SELENOS: variants seen among roughly 807,000 people sequenced by gnomAD.
The protein encoded by SELENOS is VCP interacting membrane selenoprotein.
In SELENOS, 37 loss-of-function variants were observed where a neutral mutation model predicts 30.2. The observed-to-expected ratio is 1.23, with a 90% CI of 0.94 to 1.61. The LOEUF (loss-of-function observed/expected upper bound fraction) is 1.61, where lower values mean the gene tolerates loss of function less well. Ranked by LOEUF, SELENOS falls within the 40% of genes most tolerant of loss-of-function variation. SELENOS has a pLI of 0.00. For synonymous variants in SELENOS, 119 were observed against 91.6 expected (o/e 1.30, Z -1.71); for missense variants, 289 against 231.8 (o/e 1.25, Z -1.60).
chr15:101,276,758 A>G (rs2141299279), intron 1 of SELENOS, 83 bp from the exon 2 acceptor site: 2 of 1,509,150 alleles, frequency 1.3e-6, no homozygotes, highest in East Asian at 4.6e-5. Flanking sequence ...CACAAAGTGT[A>G]ACTCCTGCCC....
chr15:101,276,410 G>C, intron 2 of SELENOS, 131 bp downstream of exon 2: 1 of 1,183,746 alleles, frequency 8.4e-7, no homozygotes, highest in Non-Finnish European at 1.1e-6. Context: ...CGCCACTCCC[G>C]GCTATTTTTT....
In SELENOS at chr15:101,275,218, T is replaced by C. The variant is rs771267537; in HGVS notation, c.318+37A>G. ...TCGTTAGCCACTAAACCTCAGACAA[T>C]TTCTATGCACACATTCAAACTGAAA... On this transcript the variant is annotated intron_variant, in intron 3 of 5. Coordinates refer to ENST00000526049, the MANE Select transcript of SELENOS (RefSeq NM_018445.6). 60 of 1,501,166 alleles carry C rather than the reference T, an allele frequency of 4.0e-5. 1 individual carries two copies. In the South Asian group the frequency reaches 7.7e-4, roughly 19 times the overall value. The allele number at this position is 1,501,166 out of a possible 1,614,324, so 93.0% of individuals were successfully genotyped here.
At position 101,272,915 on chromosome 15, in the gene SELENOS, T is replaced by C. The variant is rs78817529; in HGVS notation, c.485-59A>G. The C allele has an allele frequency of 0.029, 41,568 of 1,441,096 alleles. 2,736 individuals carry two copies. The highest frequency in any genetic ancestry group is 0.27 in the East Asian group (10,906 of 40,700). The allele number at this position is 1,441,096 out of a possible 1,614,324, so 89.3% of individuals were successfully genotyped here. On this transcript the variant is annotated intron_variant, in intron 5 of 5. Coordinates refer to ENST00000526049, the MANE Select transcript of SELENOS (RefSeq NM_018445.6). ...ATAAAAATCTGAAAATCTGGGAACA[T>C]TGTATATCCACAATAAAATTATGAG...
In SELENOS at chr15:101,277,419, A is replaced by ACCGCCGCCGCCG. The variant is rs566724578; in HGVS notation, c.-14_-3dup. The ACCGCCGCCGCCG allele has an allele frequency of 3.9e-5, 57 of 1,470,278 alleles. No homozygotes were observed. Among genetic ancestry groups the ACCGCCGCCGCCG allele is most frequent in the African/African-American group, 7.4e-5 (5 of 67,864 alleles). The allele number at this position is 1,470,278 out of a possible 1,614,324, so 91.1% of individuals were successfully genotyped here. A position where few individuals can be genotyped will look rare whatever the true frequency, so the allele number is the denominator to read the frequency against. ...CAGAGACTCCTCTTGGCGTTCCATG[A>ACCGCCGCCGCCG]CCGCCGCCGCCGCCGCCGCCCAGCC... On this transcript the variant is annotated 5_prime_UTR_variant, in exon 1 of 6. Coordinates refer to ENST00000526049, the MANE Select transcript of SELENOS (RefSeq NM_018445.6).
At chr15:101,274,770 T>C in intron 3 of SELENOS, 89 bp from the exon 4 acceptor site, 1 of 1,329,228 alleles carries the variant, frequency 7.5e-7, no homozygotes, top group South Asian at 1.4e-5. Flanking sequence ...TTAATTTAAA[T>C]GTCTTTCAGA....
chr15:101,272,043 CCAG>C (rs1467278335), downstream of SELENOS: 6 of 152,126 alleles, frequency 3.9e-5, no homozygotes, highest in Non-Finnish European at 7.3e-5. Context: ...TTTCTTTATC[CCAG>C]TAATTCGGCA....
intron 1 of SELENOS, chr15:101,276,928 G>A: frequency 5.6e-6 from 3 of 533,364 alleles, no homozygotes; most frequent in Non-Finnish European, 3.3e-6. Flanking sequence ...CAGCAACTGG[G>A]TTTTGAAGAA....
At chr15:101,276,981 G>C (rs552431527) in intron 1 of SELENOS, 5 of 530,676 alleles carry the variant, frequency 9.4e-6, no homozygotes, top group African/African-American at 5.8e-5. Flanking sequence ...AGGCCTTTCA[G>C]AGCCACATAG....
chr15:101,271,848 T>C (rs2039271381), downstream of SELENOS, among the ~76,000 whole-genome samples: 1 of 152,196 alleles, frequency 6.6e-6, no homozygotes, highest in South Asian at 2.1e-4. Context: ...TATAAAAACC[T>C]AAGACTATGT....
At chr15:101,273,365 G>A (rs1196453664) in intron 5 of SELENOS, among the ~76,000 whole-genome samples, 1 of 152,150 alleles carries the variant, frequency 6.6e-6, no homozygotes, top group East Asian at 1.9e-4. Context: ...CTGGTTGAGT[G>A]CTAAGGTTCT....
At chr15:101,274,245 G>A (rs1177299144) in intron 5 of SELENOS, 175 bp downstream of exon 5, 2 of 707,460 alleles carry the variant, frequency 2.8e-6, no homozygotes, top group African/African-American at 3.6e-5. Flanking sequence ...ATCCTTCTAA[G>A]TACTTAGTGA....
Position 101,274,645 on chromosome 15 carries a change from A to G in SELENOS, c.355T>C (p.Trp119Arg), listed in dbSNP as rs367550223. 2.9e-5 allele frequency: 46 copies of G among 1,613,526 alleles called. No homozygotes were observed. Among genetic ancestry groups the G allele is most frequent in the Middle Eastern group, 3.3e-4 (2 of 6,060 alleles). The stretch of plus-strand genomic sequence containing the variant: ...CTTTTTCCTTCTTGCATGCTGTCCC[A>G]CATTTCAATCTTCTGTCTCCTTTTT... ...EEKRRQKIEM[W>R]DSMQEGKSYK... Residue 119 changes from tryptophan to arginine, a missense_variant, in exon 4 of 6, where the codon TGG (tryptophan) becomes CGG (arginine). Transcript: ENST00000526049.
intron 3 of SELENOS, 195 bp downstream of exon 3, chr15:101,275,060 A>C (rs1236309165): frequency 1.5e-5 from 9 of 585,244 alleles, no homozygotes; most frequent in Admixed American, 7.2e-5. Context: ...ATATTCACAC[A>C]TCTAGTGTTC....
Position 101,276,578 on chromosome 15 carries a change from C to CA in SELENOS, c.173dup (p.Leu58PhefsTer16). 6.2e-7 allele frequency: 1 copy of CA among 1,613,620 alleles called. No homozygotes were observed. Among genetic ancestry groups the CA allele is most frequent in the Non-Finnish European group, 8.5e-7 (1 of 1,179,770 alleles). The stretch of plus-strand genomic sequence containing the variant: ...CAGCTCGGTCCAGCTGCCTCTGCCT[C>CA]AAGGCTCTTAGCCGGGCGGAAAGCT... On this transcript the variant is annotated frameshift_variant, in exon 2 of 6. Coordinates refer to ENST00000526049, the MANE Select transcript of SELENOS (RefSeq NM_018445.6). LOFTEE classifies it high-confidence loss of function.
At chr15:101,277,137 G>A (rs2039337336) in intron 1 of SELENOS, 1 of 888,496 alleles carries the variant, frequency 1.1e-6, no homozygotes, top group African/African-American at 1.7e-5. Flanking sequence ...ACAAGGGACA[G>A]CCGAGCCGCC....
At position 101,276,547 on chromosome 15, in the gene SELENOS, C is replaced by A; in HGVS notation, c.205G>T (p.Ala69Ser). 6.2e-7 allele frequency: 1 copy of A among 1,603,800 alleles called. No homozygotes were observed. The highest frequency in any genetic ancestry group is 1.3e-5 in the African/African-American group (1 of 74,196). ...RQRQLDRAAA[A>S]VEPDVVVKRQ... ...TCGGTTATCAGGCACTAACCCACAG[C>A]AGCCGCAGCTCGGTCCAGCTGCCTC... is the stretch of plus-strand genomic sequence containing the variant. Residue 69 changes from alanine to serine, a missense_variant, in exon 2 of 6, where the codon GCT becomes TCT. Ala to Ser is a moderately conservative substitution (Grantham distance 99, BLOSUM62 1). Coordinates refer to ENST00000526049, the MANE Select transcript of SELENOS (RefSeq NM_018445.6).
Position 101,277,461 on chromosome 15 carries a change from A to G in SELENOS, c.-44T>C, listed in dbSNP as rs1012848011. 3 of 1,405,412 alleles carry G rather than the reference A, an allele frequency of 2.1e-6. No homozygotes were observed. The African/African-American group carries it at 4.5e-5, about 21-fold the overall frequency. The allele number at this position is 1,405,412 out of a possible 1,614,324, so 87.1% of individuals were successfully genotyped here. ...CGCCCAGCCCTGCCGCCGCGCCTCC[A>G]GCCGGGCGCTTCCGGTGCGCTCCTA... is the stretch of plus-strand genomic sequence containing the variant. On this transcript the variant is annotated 5_prime_UTR_variant, in exon 1 of 6. Coordinates refer to ENST00000526049, the MANE Select transcript of SELENOS (RefSeq NM_018445.6).
intron 5 of SELENOS, chr15:101,274,130 C>G: frequency 2.1e-6 from 1 of 473,070 alleles, no homozygotes; most frequent in Admixed American, 3.4e-5. Flanking sequence ...CCACTGTGTT[C>G]CAGCTCCTTG....
chr15:101,273,806 T>C (rs939729305), intron 5 of SELENOS, among the ~76,000 whole-genome samples: 1 of 152,202 alleles, frequency 6.6e-6, no homozygotes, highest in Non-Finnish European at 1.5e-5. Context: ...GCCTCTGCGG[T>C]GCCCCTCTCC....
Sources: allele counts gnomAD v4.1 joint callset (sites outside exome capture counted in the v4.1 genomes callset), GRCh38; gene constraint gnomAD v4.1.1; transcripts MANE v1.5; gene names NCBI Gene and HGNC (gene_info 2026-07-23, HGNC 2026-07-21).